Variants in MFSD2B observed in about 807,000 individuals in gnomAD.
MFSD2B encodes sphingosine-1-phosphate transporter MFSD2B.
In MFSD2B, 56 loss-of-function variants were observed where a neutral mutation model predicts 58.4. The observed-to-expected ratio is 0.96, with a 90% CI of 0.77 to 1.20. MFSD2B has a LOEUF of 1.20. Ranked by LOEUF, MFSD2B falls within the 50% of genes most tolerant of loss-of-function variation. MFSD2B has a pLI of 0.00. For synonymous variants in MFSD2B, 287 were observed against 294.4 expected (o/e 0.97, Z 0.26); for missense variants, 645 against 667.6 (o/e 0.97, Z 0.37).
intron 13 of MFSD2B, among the ~76,000 whole-genome samples, chr2:24,025,075 T>C (rs1662930305): frequency 6.6e-6 from 1 of 152,232 alleles, no homozygotes; most frequent in African/African-American, 2.4e-5. Flanking sequence ...AAGCACCCAA[T>C]GTTCACACAA....
At position 24,021,056 on chromosome 2, in the gene MFSD2B, C is replaced by G. The variant is rs1662763692; in HGVS notation, c.682-592C>G. Among the ~76,000 whole-genome samples the G allele has an allele frequency of 6.6e-6, 1 of 151,830 alleles. No individual in the cohort carries two copies. Among genetic ancestry groups the G allele is most frequent in the Non-Finnish European group, 1.5e-5 (1 of 67,986 alleles). Reference sequence around the variant, plus strand: ...GGATGACAGGCACCCGCCACCACACCCAGCTAAATGTTTGTATTTTTAGTA... The same window carrying G: ...GGATGACAGGCACCCGCCACCACACGCAGCTAAATGTTTGTATTTTTAGTA... On this transcript the variant is annotated intron_variant, in intron 6 of 13. Transcript: ENST00000338315. The surrounding 1 kb of genome is among the most constrained non-coding windows in gnomAD (Gnocchi z 5.7).
At chr2:24,019,143 G>A (rs930336419) in intron 6 of MFSD2B, among the ~76,000 whole-genome samples, 5 of 152,036 alleles carry the variant, frequency 3.3e-5, no homozygotes, top group South Asian at 2.1e-4. Flanking sequence ...GAGCCACCGC[G>A]CTCGACCTGT....
Position 24,020,403 on chromosome 2 carries a change from G to A in MFSD2B, c.682-1245G>A, listed in dbSNP as rs971170000. Among the ~76,000 whole-genome samples the A allele has an allele frequency of 2.0e-5, 3 of 152,120 alleles. No homozygotes were observed. Among genetic ancestry groups the A allele is most frequent in the East Asian group, 1.9e-4 (1 of 5,196 alleles). On this transcript the variant is annotated intron_variant, in intron 6 of 13. Coordinates refer to ENST00000338315, the MANE Select transcript of MFSD2B (RefSeq NM_001346880.2). The surrounding 1 kb of genome is among the most constrained non-coding windows in gnomAD (Gnocchi z 4.1). Reference sequence around the variant, plus strand: ...CCCTCCAGAGCATGAGGCCCAGGGCGGTTGCACAGGATGAGTGCCCTGCCC... The same window carrying A: ...CCCTCCAGAGCATGAGGCCCAGGGCAGTTGCACAGGATGAGTGCCCTGCCC...
Position 24,024,941 on chromosome 2 carries a change from A to C in MFSD2B, c.1491-491A>C, listed in dbSNP as rs573471612. Among the ~76,000 whole-genome samples the C allele has an allele frequency of 1.9e-4, 29 of 152,194 alleles. No homozygotes were observed. Among genetic ancestry groups the C allele is most frequent in the Non-Finnish European group, 3.2e-4 (22 of 68,008 alleles). ...TTCCGGGGAGGCTATGGGAACCTTG[A>C]AGGCTGAGGCTGGCTGTTTTATTCC... On this transcript the variant is annotated intron_variant, in intron 13 of 13. Transcript: ENST00000338315. This position sits in a 1 kb window ranked among gnomAD's most constrained non-coding sequence, Gnocchi z 4.3.
At chr2:24,018,919 C>T (rs1276260480) in intron 6 of MFSD2B, among the ~76,000 whole-genome samples, 2 of 146,612 alleles carry the variant, frequency 1.4e-5, no homozygotes, top group African/African-American at 2.5e-5. Context: ...GGCGCAATCT[C>T]GGCTCACTGC....
Position 24,012,710 on chromosome 2 carries a change from C to T in MFSD2B, c.97-575C>T, listed in dbSNP as rs746750797. Among the ~76,000 whole-genome samples, 1 of 152,162 alleles carries T rather than the reference C, an allele frequency of 6.6e-6. No homozygotes were observed. The highest frequency in any genetic ancestry group is 2.1e-4 in the South Asian group (1 of 4,832). ...CTGAGGGGACCAGCGGTGCCATTTG[C>T]TAGGAGCTGGATTAGACAATGGAAT... On this transcript the variant is annotated intron_variant, in intron 1 of 13. Coordinates refer to ENST00000338315, the MANE Select transcript of MFSD2B (RefSeq NM_001346880.2). This position sits in a 1 kb window ranked among gnomAD's most constrained non-coding sequence, Gnocchi z 4.5.
chr2:24,023,465 A>G lies in MFSD2B; in HGVS notation c.1170-118A>G. 8.0e-7 allele frequency: 1 copy of G among 1,252,378 alleles called. No individual in the cohort carries two copies. The highest frequency in any genetic ancestry group is 1.1e-6 in the Non-Finnish European group (1 of 907,002). The allele number at this position is 1,252,378 out of a possible 1,614,324, so 77.6% of individuals were successfully genotyped here. ...CAGGCCATCTGCTTCTCTGGTGGCC[A>G]GTCTGGTCCTGGGCACAGAACTCAG... On this transcript the variant is annotated intron_variant, in intron 11 of 13. Transcript: ENST00000338315. This position sits in a 1 kb window ranked among gnomAD's most constrained non-coding sequence, Gnocchi z 5.0.
chr2:24,025,322 G>A (rs1662943369), intron 13 of MFSD2B, 110 bp from the exon 14 acceptor site: 5 of 935,182 alleles, frequency 5.3e-6, no homozygotes, highest in African/African-American at 4.9e-5. Flanking sequence ...TTGAAGAGGA[G>A]TTGCTGGGAA....
chr2:24,012,179 C>CACACAA lies in MFSD2B; in HGVS notation c.97-1105_97-1104insCACAAA, dbSNP rs1553313825. Among the ~76,000 whole-genome samples, 18 of 148,122 alleles carry CACACAA rather than the reference C, an allele frequency of 1.2e-4. 3 individuals are homozygous for CACACAA. The highest frequency in any genetic ancestry group is 6.4e-4 in the South Asian group (3 of 4,656). ...ACACACACACACACACACACACACACAAAAACAGACAAAAAAACCCTGCAA... is the reference window on the plus strand; with the variant it reads ...ACACACACACACACACACACACACACACACAAAAAAACAGACAAAAAAACCCTGCAA... On this transcript the variant is annotated intron_variant, in intron 1 of 13. Transcript: ENST00000338315. The surrounding 1 kb of genome is among the most constrained non-coding windows in gnomAD (Gnocchi z 4.5).
rs1450614198 is a variant in MFSD2B, at chr2:24,021,900, G to A, written c.824G>A (p.Ser275Asn). ...GPGLSFLAGL[S>N]LTTRHPPYLK... ...GGCTTGAGTTTCCTGGCTGGGCTGA[G>A]CCTCACTACCCGGCACCCACCCTAC... is the stretch of plus-strand genomic sequence containing the variant. Residue 275 changes from serine to asparagine, a missense_variant, in exon 8 of 14, where the codon AGC (serine) becomes AAC (asparagine). By Grantham distance (46) the Ser-to-Asn change is conservative (BLOSUM62 1). Coordinates refer to ENST00000338315, the MANE Select transcript of MFSD2B (RefSeq NM_001346880.2). This position sits in a 1 kb window ranked among gnomAD's most constrained non-coding sequence, Gnocchi z 5.7. 6.2e-7 allele frequency: 1 copy of A among 1,614,012 alleles called. No individual in the cohort carries two copies. The highest frequency in any genetic ancestry group is 8.5e-7 in the Non-Finnish European group (1 of 1,179,888).
intron 2 of MFSD2B, among the ~76,000 whole-genome samples, chr2:24,014,841 C>G (rs1044479819): frequency 6.6e-6 from 1 of 151,956 alleles, no homozygotes; most frequent in Admixed American, 6.6e-5. Context: ...GGTATCCAGC[C>G]GAGCATGGTG....
chr2:24,023,738 G>C lies in MFSD2B; in HGVS notation c.1313+12G>C. On this transcript the variant is annotated intron_variant, in intron 12 of 13. Transcript: ENST00000338315. The surrounding 1 kb of genome is among the most constrained non-coding windows in gnomAD (Gnocchi z 5.0). ...ACCCTCAGTCTGGAGTGAGTCCCAG[G>C]GTTAGGATACAGCAGAGGCACCAAG... is the stretch of plus-strand genomic sequence containing the variant. 6.2e-7 allele frequency: 1 copy of C among 1,613,344 alleles called. No homozygotes were observed. The highest frequency in any genetic ancestry group is 8.5e-7 in the Non-Finnish European group (1 of 1,179,482).
In MFSD2B at chr2:24,022,067, A is replaced by C; in HGVS notation, c.894+97A>C. ...TCTTGGCTTGAGTTTTATAGGGAGA[A>C]ACCTGCGGCTGGCACATGGCTCAGA... On this transcript the variant is annotated intron_variant, in intron 8 of 13. Transcript: ENST00000338315. The surrounding 1 kb of genome is among the most constrained non-coding windows in gnomAD (Gnocchi z 4.5). The C allele has an allele frequency of 1.4e-6, 2 of 1,422,738 alleles. No homozygotes were observed. The highest frequency in any genetic ancestry group is 2.0e-6 in the Non-Finnish European group (2 of 1,025,130). 88.1% of individuals were successfully genotyped at this position (1,422,738 alleles called of 1,614,324 possible).
chr2:24,018,663 T>C (rs1662623741), intron 6 of MFSD2B: 2 of 173,212 alleles, frequency 1.2e-5, no homozygotes, highest in Non-Finnish European at 2.4e-5. Flanking sequence ...AGCCTGGGGC[T>C]CCCCCTCTGG....
chr2:24,021,735 C>G lies in MFSD2B; in HGVS notation c.769C>G (p.Pro257Ala), dbSNP rs766529144. ...ACTGTGCCTAGGGGTGAAGGAGCGG[C>G]CAGGTATGGGGTTTGGTGAGGAGGG... is the stretch of plus-strand genomic sequence containing the variant. ...SLLCLGVKER[P>A]DPSAPASGPG... Residue 257 changes from proline (P) to alanine (A), a missense_variant, in exon 7 of 14, where the codon CCA becomes GCA. Physicochemically the swap from Pro to Ala is conservative, Grantham distance 27. Coordinates refer to ENST00000338315, the MANE Select transcript of MFSD2B (RefSeq NM_001346880.2). This position sits in a 1 kb window ranked among gnomAD's most constrained non-coding sequence, Gnocchi z 5.7. 4.0e-5 allele frequency: 64 copies of G among 1,613,224 alleles called. No homozygotes were observed. In the Admixed American group the frequency reaches 4.2e-4, roughly 11 times the overall value.
At chr2:24,016,752 G>C in intron 3 of MFSD2B, 93 bp from the exon 4 acceptor site, 1 of 1,491,786 alleles carries the variant, frequency 6.7e-7, no homozygotes, top group Non-Finnish European at 9.0e-7. Flanking sequence ...GATTCTCAAG[G>C]GGCAGAGAAG....
At position 24,021,982 on chromosome 2, in the gene MFSD2B, C is replaced by T. The variant is rs1355274864; in HGVS notation, c.894+12C>T. On this transcript the variant is annotated intron_variant, in intron 8 of 13. Coordinates refer to ENST00000338315, the MANE Select transcript of MFSD2B (RefSeq NM_001346880.2). The surrounding 1 kb of genome is among the most constrained non-coding windows in gnomAD (Gnocchi z 5.7). ...CTGCTGCTGTTCAGGTACCTCTGGC[C>T]AGCTGCCCCCGACAGGCTTGGTGCT... The T allele has an allele frequency of 2.5e-6, 4 of 1,613,852 alleles. No homozygotes were observed. Among genetic ancestry groups the T allele is most frequent in the African/African-American group, 2.7e-5 (2 of 74,930 alleles).
At position 24,022,461 on chromosome 2, in the gene MFSD2B, G is replaced by A; in HGVS notation, c.923G>A (p.Cys308Tyr). 6.2e-7 allele frequency: 1 copy of A among 1,613,262 alleles called. No individual in the cohort carries two copies. The highest frequency in any genetic ancestry group is 8.5e-7 in the Non-Finnish European group (1 of 1,179,694). ...QVEQSYLVLF[C>Y]THASQLHDHV... ...GAGCAGAGCTACCTGGTCCTGTTCT[G>A]TACACATGCCTCCCAGCTACACGAC... Residue 308 changes from cysteine to tyrosine, a missense_variant, in exon 9 of 14, where the codon TGT becomes TAT. Coordinates refer to ENST00000338315, the MANE Select transcript of MFSD2B (RefSeq NM_001346880.2). This position sits in a 1 kb window ranked among gnomAD's most constrained non-coding sequence, Gnocchi z 4.5.
Position 24,022,740 on chromosome 2 carries a change from C to T in MFSD2B, c.979-82C>T. 9.1e-7 allele frequency: 1 copy of T among 1,097,654 alleles called. No homozygotes were observed. The highest frequency in any genetic ancestry group is 1.6e-5 in the South Asian group (1 of 61,628). The allele number at this position is 1,097,654 out of a possible 1,614,324, so 68.0% of individuals were successfully genotyped here. Reference sequence around the variant, plus strand: ...AGGGGCAAGGCCAAGGTCAGGCATCCAATCTAAAAGCCAAGGCCTTGGGGT... The same window carrying T: ...AGGGGCAAGGCCAAGGTCAGGCATCTAATCTAAAAGCCAAGGCCTTGGGGT... On this transcript the variant is annotated intron_variant, in intron 9 of 13. Transcript: ENST00000338315. The surrounding 1 kb of genome is among the most constrained non-coding windows in gnomAD (Gnocchi z 4.5).
Sources: gnomAD v4.1 joint callset for allele counts (sites outside exome capture counted in the v4.1 genomes callset) on GRCh38, gnomAD v4.1.1 for gene constraint, Gnocchi (gnomAD v3.1) non-coding constraint, MANE v1.5 for transcripts, NCBI Gene and HGNC (gene_info 2026-07-23, HGNC 2026-07-21) for gene names.